Variants in ATP6V0A1 observed in about 807,000 individuals in gnomAD.
The protein encoded by ATP6V0A1 is V-type proton ATPase 116 kDa subunit a 1.
ATP6V0A1 carries 43 observed loss-of-function variants against 105.4 expected under a neutral mutation model. That is an observed-to-expected ratio of 0.41 (90% CI 0.32 to 0.53). The LOEUF (loss-of-function observed/expected upper bound fraction) is 0.53, where lower values mean the gene tolerates loss of function less well. ATP6V0A1 is among the 20% of genes least tolerant of loss of function. The pLI is 0.30. For synonymous variants in ATP6V0A1, 362 were observed against 372.8 expected, an observed-to-expected ratio of 0.97 and a Z score of 0.33; for missense variants, 676 against 1,051.1, an observed-to-expected ratio of 0.64 and a Z score of 4.93.
rs1271867254 is a variant in ATP6V0A1, at chr17:42,501,081, T to G, written c.1897-116T>G. On this transcript the variant is annotated intron_variant, in intron 16 of 21. Transcript: ENST00000343619. ...ATTATTTTGAGAAATTGGATAGTGT[T>G]ATTCATAGATTAGTAAGAAAGTACT... is the stretch of plus-strand genomic sequence containing the variant. 3.5e-6 allele frequency: 4 copies of G among 1,148,072 alleles called. No individual in the cohort carries two copies. The East Asian group carries it at 7.1e-5, about 20-fold the overall frequency. 71.1% of individuals were successfully genotyped at this position (1,148,072 alleles called of 1,614,324 possible).
chr17:42,491,212 T>A (rs915124704), intron 11 of ATP6V0A1, among the ~76,000 whole-genome samples: 3 of 152,112 alleles, frequency 2.0e-5, no homozygotes, highest in African/African-American at 7.2e-5. Flanking sequence ...GCCTGGCCTT[T>A]TTGTTCATTG....
chr17:42,461,671 C>T (rs919707127), intron 2 of ATP6V0A1, among the ~76,000 whole-genome samples: 1 of 151,966 alleles, frequency 6.6e-6, no homozygotes, highest in Non-Finnish European at 1.5e-5. Context: ...CTCGGGAGGC[C>T]GAGGCAGGAG....
In ATP6V0A1 at chr17:42,470,144, G is replaced by A. The variant is rs377283389; in HGVS notation, c.349G>A (p.Ala117Thr). ...ELKEINTNQE[A>T]LKRNFLELTE... ...GAAGGAAATCAACACAAACCAGGAA[G>A]CTCTGAAGAGAAACTTCCTGGAACT... The change falls in exon 5 of 22, where the codon GCT (alanine) becomes ACT (threonine). Residue 117 changes from alanine (A) to threonine (T), a missense_variant. By Grantham distance (58) the Ala-to-Thr change is moderately conservative. Transcript: ENST00000343619. 6 of 1,611,658 alleles carry A rather than the reference G, an allele frequency of 3.7e-6. No individual in the cohort carries two copies. The highest frequency in any genetic ancestry group is 5.1e-6 in the Non-Finnish European group (6 of 1,178,700).
At chr17:42,519,763 T>C (rs2092763821) in intron 21 of ATP6V0A1, 1 of 152,290 alleles carries the variant, frequency 6.6e-6, no homozygotes, top group Admixed American at 6.5e-5. Context: ...AGTCCTGTTT[T>C]TCCTGGAGGA....
At chr17:42,514,485 G>T in intron 21 of ATP6V0A1, 25 bp downstream of exon 21, 1 of 1,560,308 alleles carries the variant, frequency 6.4e-7, no homozygotes, top group Non-Finnish European at 8.7e-7. Context: ...GGCAGGGCGG[G>T]CATGGGGGTG....
Position 42,466,360 on chromosome 17 carries a change from G to A in ATP6V0A1, c.118-69G>A, listed in dbSNP as rs1384467197. ...AAATTAGTTTTTCGCTTTGCAGAAT[G>A]TGTTGCTTGAGAAACAGAAGAAATA... On this transcript the variant is annotated intron_variant, in intron 2 of 21. Coordinates refer to ENST00000343619, the MANE Select transcript of ATP6V0A1 (RefSeq NM_001130021.3). 8.9e-6 allele frequency: 12 copies of A among 1,350,416 alleles called. No individual in the cohort carries two copies. The East Asian group carries it at 2.1e-4, about 24-fold the overall frequency. The allele number at this position is 1,350,416 out of a possible 1,614,324, so 83.7% of individuals were successfully genotyped here.
At chr17:42,520,843 G>A (rs1181472006) in intron 21 of ATP6V0A1, 184 bp from the exon 22 acceptor site, 12 of 614,372 alleles carry the variant, frequency 2.0e-5, no homozygotes, top group African/African-American at 9.2e-5. Context: ...TCCTCCGTGC[G>A]TCGAACTCTT....
At chr17:42,460,710 A>G in intron 1 of ATP6V0A1, 138 bp from the exon 2 acceptor site, 2 of 532,332 alleles carry the variant, frequency 3.8e-6, no homozygotes, top group Non-Finnish European at 6.9e-6. Flanking sequence ...CCATCTTTCT[A>G]GACAGGGTGT....
chr17:42,507,474 A>T, intron 17 of ATP6V0A1, 46 bp from the exon 18 acceptor site: 3 of 1,404,296 alleles, frequency 2.1e-6, no homozygotes, highest in Non-Finnish European at 3.0e-6. Flanking sequence ...ACAGAATGTC[A>T]TGTTAAAGCC....
chr17:42,501,404 A>T (rs1203926154), intron 17 of ATP6V0A1, 100 bp downstream of exon 17: 10 of 923,768 alleles, frequency 1.1e-5, no homozygotes, highest in African/African-American at 1.7e-5. Flanking sequence ...AAATCTATAT[A>T]TTCTTTTTCT....
chr17:42,490,582 C>T lies in ATP6V0A1; in HGVS notation c.1119C>T (p.Gly373=). 1.2e-6 allele frequency: 2 copies of T among 1,613,436 alleles called. No homozygotes were observed. Among genetic ancestry groups the T allele is most frequent in the South Asian group, 1.1e-5 (1 of 90,942 alleles). Residue 373 remains glycine (G), a synonymous_variant, in exon 11 of 22, where the codon GGC becomes GGT. Coordinates refer to ENST00000343619, the MANE Select transcript of ATP6V0A1 (RefSeq NM_001130021.3). ...TYNKTNKFTY[G]FQNIVDAYGI... is the part of the protein sequence containing the mutation. Reference sequence around the variant, plus strand: ...ACAAAACCAACAAGTTTACCTATGGCTTTCAGAACATAGTAGATGCTTATG... The same window carrying T: ...ACAAAACCAACAAGTTTACCTATGGTTTTCAGAACATAGTAGATGCTTATG...
intron 5 of ATP6V0A1, among the ~76,000 whole-genome samples, chr17:42,474,225 A>G (rs1351731413): frequency 6.6e-6 from 1 of 151,716 alleles, no homozygotes; most frequent in Non-Finnish European, 1.5e-5. Flanking sequence ...GCTGGTCTCG[A>G]ACTCTGACCT....
chr17:42,472,003 T>C (rs1598742712), intron 5 of ATP6V0A1, among the ~76,000 whole-genome samples: 1 of 151,928 alleles, frequency 6.6e-6, no homozygotes, highest in Non-Finnish European at 1.5e-5. Context: ...GTTCTTTCAT[T>C]CCTTTGCTCA....
intron 13 of ATP6V0A1, 101 bp downstream of exon 13, chr17:42,495,289 A>G (rs777845178): frequency 2.4e-6 from 3 of 1,266,464 alleles, no homozygotes; most frequent in Non-Finnish European, 3.4e-6. Flanking sequence ...GGAAGTGGTG[A>G]CAGTGTCTCC....
In ATP6V0A1 at chr17:42,490,470, G is replaced by A; in HGVS notation, c.1024-17G>A. 1 of 1,591,692 alleles carries A rather than the reference G, an allele frequency of 6.3e-7. No homozygotes were observed. The highest frequency in any genetic ancestry group is 8.5e-7 in the Non-Finnish European group (1 of 1,172,008). On this transcript the variant is annotated splice_polypyrimidine_tract_variant and intron_variant, in intron 10 of 21. Coordinates refer to ENST00000343619, the MANE Select transcript of ATP6V0A1 (RefSeq NM_001130021.3). Reference sequence around the variant, plus strand: ...GGAGGATAACCTAAGTTTGATAAATGTGCTAATGTTTTTCAGGAACACAGT... The same window carrying A: ...GGAGGATAACCTAAGTTTGATAAATATGCTAATGTTTTTCAGGAACACAGT...
chr17:42,508,453 G>A (rs138190078), intron 18 of ATP6V0A1, 119 bp from the exon 19 acceptor site: 10 of 1,314,592 alleles, frequency 7.6e-6, no homozygotes, highest in African/African-American at 5.8e-5. Context: ...TGCCTCCAAC[G>A]TGCTAGCCCA....
chr17:42,461,711 C>T (rs549471860), intron 2 of ATP6V0A1, among the ~76,000 whole-genome samples: 15 of 152,234 alleles, frequency 9.9e-5, no homozygotes, highest in African/African-American at 2.4e-4. Context: ...GCGGAGGTTG[C>T]AGTGAGCCGA....
chr17:42,515,898 T>G (rs2092603774), intron 21 of ATP6V0A1, among the ~76,000 whole-genome samples: 1 of 152,248 alleles, frequency 6.6e-6, no homozygotes, highest in South Asian at 2.1e-4. Context: ...TGGGGCAGTC[T>G]GTATTTTCTG....
chr17:42,497,812 C>T (rs1299914689), intron 14 of ATP6V0A1, among the ~76,000 whole-genome samples: 11 of 150,152 alleles, frequency 7.3e-5, no homozygotes, highest in African/African-American at 2.7e-4. Context: ...CCAAGGCGGG[C>T]GGATCATGAG....
Sources: allele counts gnomAD v4.1 joint callset (sites outside exome capture counted in the v4.1 genomes callset), GRCh38; gene constraint gnomAD v4.1.1; transcripts MANE v1.5; gene names NCBI Gene and HGNC (gene_info 2026-07-23, HGNC 2026-07-21).